SPTLC3: variants seen among roughly 807,000 people sequenced by gnomAD.
SPTLC3 encodes the protein serine palmitoyltransferase long chain base subunit 3.
Under a neutral mutation model 59.3 loss-of-function variants are expected in SPTLC3, and 36 were observed. That is an observed-to-expected ratio of 0.61 (90% CI 0.47 to 0.80). The LOEUF (loss-of-function observed/expected upper bound fraction) is 0.80, where lower values mean the gene tolerates loss of function less well. Among genes scored for constraint, SPTLC3 ranks in the 30% least tolerant of loss-of-function variants. SPTLC3 has a pLI of 0.00. For synonymous variants in SPTLC3, 257 were observed against 240.8 expected, an observed-to-expected ratio of 1.07 and a Z score of -0.62; for missense variants, 625 against 685.1, an observed-to-expected ratio of 0.91 and a Z score of 0.98.
chr20:13,098,768 C>T (rs2122647680), intron 6 of SPTLC3, among the ~76,000 whole-genome samples: 1 of 152,220 alleles, frequency 6.6e-6, no homozygotes, highest in East Asian at 1.9e-4. Flanking sequence ...GTGAAGAATT[C>T]CATGAGGTAG....
rs200847488 is a variant in SPTLC3, at chr20:13,117,760, T to C, written c.1152+35T>C. 8 of 1,565,428 alleles carry C rather than the reference T, an allele frequency of 5.1e-6. No homozygotes were observed. In the African/African-American group the frequency reaches 6.8e-5, roughly 13 times the overall value. ...GGCCTGCTTGTGTCTGTTTAAAACC[T>C]GAGCGCCCTGGGGATGCCGTGTGTA... On this transcript the variant is annotated intron_variant, in intron 8 of 11. Transcript: ENST00000399002.
intron 9 of SPTLC3, among the ~76,000 whole-genome samples, chr20:13,142,090 T>C (rs1004594620): frequency 6.6e-6 from 1 of 152,216 alleles, no homozygotes; most frequent in Non-Finnish European, 1.5e-5. Flanking sequence ...TGCCCCTTCA[T>C]TTACTTTATC....
chr20:13,031,542 C>T (rs776778495), intron 1 of SPTLC3, among the ~76,000 whole-genome samples: 6 of 152,164 alleles, frequency 3.9e-5, no homozygotes, highest in Non-Finnish European at 7.4e-5. Flanking sequence ...GTCTCCTTTT[C>T]ACCACTGCTA....
chr20:13,110,425 G>T (rs1247689904), intron 7 of SPTLC3, among the ~76,000 whole-genome samples: 1 of 152,172 alleles, frequency 6.6e-6, no homozygotes, highest in Non-Finnish European at 1.5e-5. Context: ...GCAGCTTGGA[G>T]GCTGGCCGGC....
At chr20:13,155,646 G>C (rs1467784332) in intron 10 of SPTLC3, among the ~76,000 whole-genome samples, 1 of 152,058 alleles carries the variant, frequency 6.6e-6, no homozygotes, top group Non-Finnish European at 1.5e-5. Flanking sequence ...CCAACATGGT[G>C]AAACCCCGTG....
chr20:13,039,275 C>G (rs1986871580), intron 1 of SPTLC3, among the ~76,000 whole-genome samples: 1 of 152,054 alleles, frequency 6.6e-6, no homozygotes, highest in South Asian at 2.1e-4. Flanking sequence ...TCAGTTTTTA[C>G]TTTGCACTTT....
At chr20:13,053,013 C>T (rs1987561799) in intron 2 of SPTLC3, among the ~76,000 whole-genome samples, 1 of 152,154 alleles carries the variant, frequency 6.6e-6, no homozygotes, top group Admixed American at 6.5e-5. Flanking sequence ...AAGAGAGCAG[C>T]ATATCTCCCA....
At chr20:13,033,914 G>A (rs1386888739) in intron 1 of SPTLC3, among the ~76,000 whole-genome samples, 1 of 152,106 alleles carries the variant, frequency 6.6e-6, no homozygotes, top group African/African-American at 2.4e-5. Context: ...TGTATGTGAG[G>A]TGGAGGTGAG....
In SPTLC3 at chr20:13,166,917, G is replaced by A. The variant is rs2038991672; in HGVS notation, c.*2050G>A. The A allele has an allele frequency of 6.6e-6, 1 of 152,186 alleles. No individual in the cohort carries two copies. Among genetic ancestry groups the A allele is most frequent in the Admixed American group, 6.5e-5 (1 of 15,280 alleles). 9.4% of individuals were successfully genotyped at this position (152,186 alleles called of 1,614,324 possible). A position where few individuals can be genotyped will look rare whatever the true frequency, so the allele number is the denominator to read the frequency against. ...TTGTGGGAAACTACTTACCTACCCA[G>A]CATGGAAGGCAGGGAGGAAGTTAGT... is the stretch of plus-strand genomic sequence containing the variant. On this transcript the variant is annotated 3_prime_UTR_variant, in exon 12 of 12. Transcript: ENST00000399002.
chr20:13,101,994 G>T (rs1041599447), intron 6 of SPTLC3, among the ~76,000 whole-genome samples: 1 of 152,152 alleles, frequency 6.6e-6, no homozygotes, highest in African/African-American at 2.4e-5. Flanking sequence ...GTCCAGGCAG[G>T]TCAAGAATTT....
chr20:13,131,686 T>C (rs889991973), intron 9 of SPTLC3, among the ~76,000 whole-genome samples: 1 of 152,174 alleles, frequency 6.6e-6, no homozygotes, highest in Non-Finnish European at 1.5e-5. Flanking sequence ...CTCTATCACC[T>C]CTCACCTGGA....
At chr20:13,009,564 G>A (rs3761893) in intron 1 of SPTLC3, among the ~76,000 whole-genome samples, 180 bp downstream of exon 1, 93,627 of 152,102 alleles carry the variant, frequency 0.62, 31,967 homozygotes, top group South Asian at 0.82. Context: ...TGTGGATTAA[G>A]GAGAAAATGT....
Position 13,009,290 on chromosome 20 carries a change from C to T in SPTLC3, c.23C>T (p.Ala8Val), listed in dbSNP as rs769035041. 9 of 1,613,960 alleles carry T rather than the reference C, an allele frequency of 5.6e-6. No homozygotes were observed. Among genetic ancestry groups the T allele is most frequent in the African/African-American group, 5.3e-5 (4 of 74,922 alleles). Reference sequence around the variant, plus strand: ...CCCATGGCTAACCCTGGAGGTGGTGCTGTTTGCAACGGGAAACTTCACAAT... The same window carrying T: ...CCCATGGCTAACCCTGGAGGTGGTGTTGTTTGCAACGGGAAACTTCACAAT... The part of the protein sequence containing the change: MANPGGG[A>V]VCNGKLHNHK... Residue 8 changes from alanine (A) to valine (V), a missense_variant, in exon 1 of 12, where the codon GCT becomes GTT. Physicochemically the swap from Ala to Val is moderately conservative, Grantham distance 64 (BLOSUM62 0). Transcript: ENST00000399002.
chr20:13,126,734 A>G lies in SPTLC3; in HGVS notation c.1279+17A>G, dbSNP rs2038002124. On this transcript the variant is annotated intron_variant, in intron 9 of 11. Transcript: ENST00000399002. ...CCACTCAAGGTAAGAGGATCTGCAGAGAGCACAGCTCCTGGACCTCTCTGT... is the reference window on the plus strand; with the variant it reads ...CCACTCAAGGTAAGAGGATCTGCAGGGAGCACAGCTCCTGGACCTCTCTGT... 1.9e-6 allele frequency: 3 copies of G among 1,613,530 alleles called. No individual in the cohort carries two copies. The highest frequency in any genetic ancestry group is 2.5e-6 in the Non-Finnish European group (3 of 1,179,734).
intron 8 of SPTLC3, among the ~76,000 whole-genome samples, chr20:13,120,758 A>T (rs1990860208): frequency 6.6e-6 from 1 of 152,244 alleles, no homozygotes. Flanking sequence ...TTTTCCTCAC[A>T]AAGTGTCCTA....
chr20:13,071,506 A>G (rs1988434373), intron 2 of SPTLC3, among the ~76,000 whole-genome samples: 1 of 152,206 alleles, frequency 6.6e-6, no homozygotes, highest in African/African-American at 2.4e-5. Flanking sequence ...AACAGTTTGT[A>G]TATTTTATTT....
intron 4 of SPTLC3, chr20:13,079,795 C>A (rs1401347264): frequency 4.3e-6 from 2 of 469,008 alleles, no homozygotes; most frequent in Middle Eastern, 3.3e-4. Flanking sequence ...TGGGAGGGGT[C>A]TTGCAAGCTG....
At chr20:13,097,442 C>A (rs1989456862) in intron 6 of SPTLC3, among the ~76,000 whole-genome samples, 1 of 151,892 alleles carries the variant, frequency 6.6e-6, no homozygotes, top group South Asian at 2.1e-4. Flanking sequence ...GAGATGGAAA[C>A]AGAGACACAA....
rs375680092 is a variant in SPTLC3 at position 13,088,784 on chromosome 20, A to ATTTTTT, written c.608-2286_608-2281dup. On this transcript the variant is annotated intron_variant, in intron 4 of 11. Transcript: ENST00000399002. ...TAGGCACCCGCCACTGCACCCGGCT[A>ATTTTTT]TTTTTTTTTTTTTTTTTTGTATTTT... Among the ~76,000 whole-genome samples the ATTTTTT allele has an allele frequency of 2.0e-4, 22 of 111,862 alleles. 1 individual carries two copies. Among genetic ancestry groups the ATTTTTT allele is most frequent in the East Asian group, 5.1e-4 (2 of 3,886 alleles). 73.4% of individuals were successfully genotyped at this position (111,862 alleles called of 152,430 possible).
Sources: gnomAD v4.1 joint callset for allele counts (sites outside exome capture counted in the v4.1 genomes callset) on GRCh38, gnomAD v4.1.1 for gene constraint, MANE v1.5 for transcripts, NCBI Gene and HGNC (gene_info 2026-07-23, HGNC 2026-07-21) for gene names.